TACC1: variants seen among roughly 807,000 people sequenced by gnomAD.
The protein encoded by TACC1 is transforming acidic coiled-coil containing protein 1, also known as transforming acidic coiled-coil-containing protein 1.
Under a neutral mutation model 84.4 loss-of-function variants are expected in TACC1, and 48 were observed. The ratio of observed to expected loss-of-function variants is 0.57; its 90% CI spans 0.45 to 0.72. The LOEUF (loss-of-function observed/expected upper bound fraction) is 0.72, where lower values mean the gene tolerates loss of function less well. Ranked by LOEUF, TACC1 falls within the 30% of genes least tolerant of loss-of-function variation. The probability of loss-of-function intolerance (pLI) is 0.00; values close to 1 mark genes in which losing one functional copy is unlikely to be tolerated. For missense variants in TACC1, 920 were observed against 973.0 expected, an observed-to-expected ratio of 0.95 and a Z score of 0.72; for synonymous variants, 372 against 376.3, an observed-to-expected ratio of 0.99 and a Z score of 0.13.
intron 1 of TACC1, among the ~76,000 whole-genome samples, chr8:38,739,113 A>G (rs905385050): frequency 4.6e-5 from 7 of 151,444 alleles, no homozygotes; most frequent in Non-Finnish European, 7.4e-5. Flanking sequence ...CTGGTCTCCA[A>G]CTCCTGACCT....
At chr8:38,837,142 C>CAGT (rs1218184656) in intron 7 of TACC1, among the ~76,000 whole-genome samples, 10 of 142,654 alleles carry the variant, frequency 7.0e-5, no homozygotes, top group Non-Finnish European at 1.2e-4. Flanking sequence ...AATCTTGGCG[C>CAGT]AGTAGCTCAT....
chr8:38,805,190 T>A (rs1822384137), intron 2 of TACC1, among the ~76,000 whole-genome samples: 1 of 152,228 alleles, frequency 6.6e-6, no homozygotes. Context: ...TTTGGCTTCC[T>A]AACCTCTCTC....
intron 1 of TACC1, among the ~76,000 whole-genome samples, chr8:38,735,474 G>A (rs1343247140): frequency 6.6e-6 from 1 of 152,186 alleles, no homozygotes; most frequent in Non-Finnish European, 1.5e-5. Context: ...GCCAGAGGAG[G>A]GCACCTGCAG....
rs934453989 is a variant in TACC1, at chr8:38,743,220, C to T, written c.-574+769C>T. ...GTAGCAGGCCCCAAAAAACTCTTAC[C>T]TCATCCATCATTTTTGCAAAGATGA... is the stretch of plus-strand genomic sequence containing the variant. On this transcript the variant is annotated intron_variant, in intron 2 of 14. Transcript: ENST00000518415. Among the ~76,000 whole-genome samples the T allele has an allele frequency of 2.0e-5, 3 of 152,128 alleles. No homozygotes were observed. The East Asian group carries it at 5.8e-4, about 29-fold the overall frequency.
intron 3 of TACC1, among the ~76,000 whole-genome samples, chr8:38,750,229 T>C (rs909372419): frequency 6.6e-6 from 1 of 152,142 alleles, no homozygotes; most frequent in Non-Finnish European, 1.5e-5. Flanking sequence ...ATCAGTTCAA[T>C]AGGTGCAGCA....
intron 2 of TACC1, among the ~76,000 whole-genome samples, chr8:38,792,534 C>A (rs1189482636): frequency 6.6e-6 from 1 of 152,042 alleles, no homozygotes; most frequent in Non-Finnish European, 1.5e-5. Context: ...GGTGCGATCT[C>A]GGCTCACTGC....
chr8:38,737,172 A>G (rs1454402634), intron 1 of TACC1, among the ~76,000 whole-genome samples: 2 of 152,330 alleles, frequency 1.3e-5, no homozygotes, highest in South Asian at 2.1e-4. Context: ...GGACTAAAAC[A>G]GAAGTCTTGG....
chr8:38,842,204 C>G (rs770220606), intron 9 of TACC1, 83 bp from the exon 10 acceptor site: 155 of 1,506,158 alleles, frequency 1.0e-4, no homozygotes, highest in East Asian at 2.0e-4. Flanking sequence ...GGCTGTGTCC[C>G]TACCACGAGA....
chr8:38,845,392 A>G (rs1390501526), intron 11 of TACC1, among the ~76,000 whole-genome samples: 1 of 152,210 alleles, frequency 6.6e-6, no homozygotes. Flanking sequence ...TCTATATATT[A>G]TACGTAGGTT....
At chr8:38,751,550 C>G (rs1429367617) in intron 3 of TACC1, among the ~76,000 whole-genome samples, 1 of 152,032 alleles carries the variant, frequency 6.6e-6, no homozygotes, top group African/African-American at 2.4e-5. Context: ...TTTTGGCAAC[C>G]TTGTGTGGGA....
intron 6 of TACC1, among the ~76,000 whole-genome samples, chr8:38,835,392 A>G (rs975250412): frequency 1.3e-5 from 2 of 152,244 alleles, no homozygotes; most frequent in African/African-American, 4.8e-5. Context: ...ACCTGAGCTT[A>G]TGAAAGAAGC....
intron 3 of TACC1, among the ~76,000 whole-genome samples, chr8:38,753,414 A>T (rs1809394299): frequency 2.0e-5 from 3 of 152,120 alleles, no homozygotes; most frequent in Admixed American, 1.3e-4. Context: ...TTTTGTTCTT[A>T]ACTGAAATAC....
chr8:38,754,757 A>G (rs890801570), intron 3 of TACC1, among the ~76,000 whole-genome samples: 2 of 152,208 alleles, frequency 1.3e-5, no homozygotes. Context: ...TTATTTTCCC[A>G]CTTCAAAATA....
chr8:38,755,341 C>T (rs148355346), intron 3 of TACC1, among the ~76,000 whole-genome samples: 389 of 152,174 alleles, frequency 2.6e-3, no homozygotes, highest in South Asian at 0.011. Context: ...ATTCATTCAG[C>T]AAATAGTTAT....
intron 1 of TACC1, among the ~76,000 whole-genome samples, chr8:38,737,802 A>G (rs1806260409): frequency 6.7e-6 from 1 of 150,126 alleles, no homozygotes; most frequent in African/African-American, 2.5e-5. Flanking sequence ...ATCTCGGCTC[A>G]CCGCAACCTC....
chr8:38,757,463 C>A lies in TACC1; in HGVS notation c.26+11970C>A, dbSNP rs549093822. 5 of 1,105,872 alleles carry A rather than the reference C, an allele frequency of 4.5e-6. No individual in the cohort carries two copies. In the African/African-American group the frequency reaches 5.1e-5, roughly 11 times the overall value. The allele number at this position is 1,105,872 out of a possible 1,614,324, so 68.5% of individuals were successfully genotyped here. ...GCCTTTGGGGGTTTGCGTGCCAGCCCGGGATGGAGCGCGCTGGGGCCCGTC... is the reference window on the plus strand; with the variant it reads ...GCCTTTGGGGGTTTGCGTGCCAGCCAGGGATGGAGCGCGCTGGGGCCCGTC... On this transcript the variant is annotated intron_variant, in intron 3 of 14. Coordinates refer to the TACC1 transcript ENST00000518415.
chr8:38,770,769 C>A (rs760087865), intron 3 of TACC1, among the ~76,000 whole-genome samples: 1 of 152,108 alleles, frequency 6.6e-6, no homozygotes, highest in Non-Finnish European at 1.5e-5. Flanking sequence ...AGGACTCCAG[C>A]GCCAGGAGTC....
Position 38,848,924 on chromosome 8 carries a change from A to G in TACC1, c.*901A>G, listed in dbSNP as rs971757741. Reference sequence around the variant, plus strand: ...GAGTCATTTACTCTCCTCTGCCTCCATTTGTTAATACAGAATCAACATTTA... The same window carrying G: ...GAGTCATTTACTCTCCTCTGCCTCCGTTTGTTAATACAGAATCAACATTTA... On this transcript the variant is annotated 3_prime_UTR_variant, in exon 13 of 13. Transcript: ENST00000317827. 1 of 150,156 alleles carries G rather than the reference A, an allele frequency of 6.7e-6. No individual in the cohort carries two copies. Among genetic ancestry groups the G allele is most frequent in the African/African-American group, 2.4e-5 (1 of 40,846 alleles). The allele number at this position is 150,156 out of a possible 1,614,324, so 9.3% of individuals were successfully genotyped here. A position where few individuals can be genotyped will look rare whatever the true frequency, so the allele number is the denominator to read the frequency against.
chr8:38,741,090 T>C (rs185272391), intron 1 of TACC1, among the ~76,000 whole-genome samples: 2 of 152,322 alleles, frequency 1.3e-5, no homozygotes, highest in Non-Finnish European at 2.9e-5. Flanking sequence ...TTCTGCAGCA[T>C]TTTCAGGCTC....
Sources: allele counts gnomAD v4.1 joint callset (sites outside exome capture counted in the v4.1 genomes callset), GRCh38; gene constraint gnomAD v4.1.1; transcripts MANE v1.5; gene names NCBI Gene and HGNC (gene_info 2026-07-23, HGNC 2026-07-21).